Variants in TAF15 observed in about 807,000 individuals in gnomAD.
TAF15 encodes the protein TATA-binding protein-associated factor 2N.
TAF15 carries 37 observed loss-of-function variants against 102.5 expected under a neutral mutation model. The ratio of observed to expected loss-of-function variants is 0.36; its 90% confidence interval spans 0.28 to 0.47. The LOEUF (loss-of-function observed/expected upper bound fraction) is 0.47. Among genes scored for constraint, TAF15 ranks in the 20% least tolerant of loss-of-function variants. The pLI is 0.99. For synonymous variants in TAF15, 273 were observed against 259.2 expected, an observed-to-expected ratio of 1.05 and a Z score of -0.51; for missense variants, 652 against 760.7, an observed-to-expected ratio of 0.86 and a Z score of 1.68.
At position 35,839,370 on chromosome 17, in the gene TAF15, C is replaced by CTTTT. The variant is rs562461506; in HGVS notation, c.913+843_913+846dup. ...TTAATACATACTTAGAAGAAATAGA[C>CTTTT]TTTTTTTTTTTTTTTTTTTTTTTTT... On this transcript the variant is annotated intron_variant, in intron 11 of 15. Transcript: ENST00000605844. 2.7e-3 allele frequency among the ~76,000 whole-genome samples: 139 copies of CTTTT among 52,418 alleles called. 41 individuals are homozygous for CTTTT. Among genetic ancestry groups the CTTTT allele is most frequent in the African/African-American group, 9.6e-3 (107 of 11,162 alleles). The allele number at this position is 52,418 out of a possible 152,430, so 34.4% of individuals were successfully genotyped here. A position where few individuals can be genotyped will look rare whatever the true frequency, so the allele number is the denominator to read the frequency against.
chr17:35,826,317 C>T (rs2087325041), intron 7 of TAF15, among the ~76,000 whole-genome samples: 1 of 151,906 alleles, frequency 6.6e-6, no homozygotes, highest in African/African-American at 2.4e-5. Flanking sequence ...TTGAGATGTT[C>T]ATGAAAGGCC....
intron 1 of TAF15, among the ~76,000 whole-genome samples, chr17:35,812,082 C>T (rs1281618160): frequency 6.6e-6 from 1 of 152,046 alleles, no homozygotes; most frequent in Non-Finnish European, 1.5e-5. Flanking sequence ...GGACCATTAA[C>T]GCCAGGTAAT....
intron 10 of TAF15, 56 bp downstream of exon 10, chr17:35,836,297 CAT>C: frequency 7.9e-7 from 1 of 1,267,196 alleles, no homozygotes; most frequent in Non-Finnish European, 1.1e-6. Context: ...GATTACAATA[CAT>C]AGACTATGTA....
At chr17:35,817,192 A>G (rs1436837362) in intron 1 of TAF15, 2 of 152,608 alleles carry the variant, frequency 1.3e-5, no homozygotes, top group Non-Finnish European at 2.9e-5. Flanking sequence ...AAAGCTTGGT[A>G]AAATCAGAAT....
At position 35,809,505 on chromosome 17, in the gene TAF15, C is replaced by G; in HGVS notation, c.-65C>G. 6 of 1,609,610 alleles carry G rather than the reference C, an allele frequency of 3.7e-6. No homozygotes were observed. Among genetic ancestry groups the G allele is most frequent in the Non-Finnish European group, 5.1e-6 (6 of 1,178,974 alleles). The stretch of plus-strand genomic sequence containing the variant: ...CCTCAGTACAGCTCCGGCCGCCGCG[C>G]CGCCTGGCTTTCGTATTCGTTGTTC... On this transcript the variant is annotated 5_prime_UTR_variant, in exon 1 of 16. Transcript: ENST00000605844.
At chr17:35,839,370 CTTTTTTT>C (rs562461506) in intron 11 of TAF15, among the ~76,000 whole-genome samples, 18 of 52,412 alleles carry the variant, frequency 3.4e-4, no homozygotes, top group African/African-American at 1.5e-3. Context: ...AAGAAATAGA[CTTTTTTT>C]TTTTTTTTTT....
chr17:35,821,238 C>G (rs1295665303), intron 5 of TAF15, among the ~76,000 whole-genome samples: 1 of 151,894 alleles, frequency 6.6e-6, no homozygotes, highest in African/African-American at 2.4e-5. Context: ...AAATTATCAC[C>G]CTTACAGATG....
chr17:35,829,825 A>G (rs1317901339), intron 7 of TAF15, among the ~76,000 whole-genome samples: 1 of 151,392 alleles, frequency 6.6e-6, no homozygotes, highest in African/African-American at 2.4e-5. Flanking sequence ...AACTTGGGGG[A>G]ACTGTCTGTG....
intron 1 of TAF15, among the ~76,000 whole-genome samples, chr17:35,811,804 TACAC>T (rs1473141990): frequency 2.6e-5 from 4 of 152,248 alleles, no homozygotes; most frequent in Non-Finnish European, 5.9e-5. Context: ...TCAAATCAGT[TACAC>T]ACATAAAAAT....
At chr17:35,820,126 A>T (rs760602495) in intron 3 of TAF15, 38 bp from the exon 4 acceptor site, 2 of 1,613,468 alleles carry the variant, frequency 1.2e-6, no homozygotes, top group African/African-American at 2.7e-5. Flanking sequence ...TTTTATCTTA[A>T]GTAGGTGATG....
At chr17:35,838,284 A>T (rs2087500293) in intron 10 of TAF15, 140 bp from the exon 11 acceptor site, 1 of 1,071,092 alleles carries the variant, frequency 9.3e-7, no homozygotes, top group Non-Finnish European at 1.3e-6. Flanking sequence ...CTAAACCTAC[A>T]GGTAACTTAT....
intron 10 of TAF15, among the ~76,000 whole-genome samples, chr17:35,837,101 A>G (rs1054495338): frequency 6.6e-6 from 1 of 151,846 alleles, no homozygotes; most frequent in South Asian, 2.1e-4. Context: ...TTTCTTTGGG[A>G]GTTATAATTT....
chr17:35,818,170 G>A (rs953785203), intron 2 of TAF15, among the ~76,000 whole-genome samples: 4 of 151,778 alleles, frequency 2.6e-5, no homozygotes, highest in Non-Finnish European at 4.4e-5. Context: ...ATCTCGGGTC[G>A]CTGCAAGCTC....
rs773078789 is a variant in TAF15, at chr17:35,844,746, C to CGAG, written c.1449_1451dup (p.Gly485dup). The stretch of plus-strand genomic sequence containing the variant: ...CCGAGGAGGTGGCTATGGAGGAGAT[C>CGAG]GAGGTGGCTATGGAGGAGACCGAGG... On this transcript the variant is annotated inframe_insertion, in exon 15 of 16. Coordinates refer to ENST00000605844, the MANE Select transcript of TAF15 (RefSeq NM_139215.3). 2.5e-6 allele frequency: 4 copies of CGAG among 1,605,122 alleles called. No individual in the cohort carries two copies. The highest frequency in any genetic ancestry group is 1.1e-5 in the South Asian group (1 of 90,546).
intron 15 of TAF15, among the ~76,000 whole-genome samples, chr17:35,845,636 A>C (rs946867845): frequency 6.6e-6 from 1 of 152,130 alleles, no homozygotes; most frequent in Non-Finnish European, 1.5e-5. Flanking sequence ...CAGCCTCCCA[A>C]GTAGCTGGGA....
Position 35,844,902 on chromosome 17 carries a change from C to T in TAF15, c.1603C>T (p.Arg535Cys), listed in dbSNP as rs899244241. ...AAGCCGGGGGGGCTATGGAGGAGAC[C>T]GTGGTGGTGGCAGTGGCTACGGTGG... The part of the protein sequence containing the change: ...DRSRGGYGGD[R>C]GGGSGYGGDR... The change falls in exon 15 of 16, where the codon CGT becomes TGT. Residue 535 changes from arginine (R) to cysteine (C), a missense_variant. By Grantham distance (180) the Arg-to-Cys change is radical (BLOSUM62 -3). This residue lies in a region of TAF15 where 368 missense variants were observed against 367.5 expected (regional missense o/e 1.00). Coordinates refer to ENST00000605844, the MANE Select transcript of TAF15 (RefSeq NM_139215.3). 5.0e-6 allele frequency: 8 copies of T among 1,601,754 alleles called. No individual in the cohort carries two copies. Among genetic ancestry groups the T allele is most frequent in the East Asian group, 4.5e-5 (2 of 44,194 alleles).
At chr17:35,823,514 A>G (rs1177468588) in intron 6 of TAF15, 1 of 166,950 alleles carries the variant, frequency 6.0e-6, no homozygotes, top group African/African-American at 2.4e-5. Flanking sequence ...CCTGGCTAAC[A>G]TGGTGAAACC....
chr17:35,826,742 T>C (rs1041882788), intron 7 of TAF15, among the ~76,000 whole-genome samples: 2 of 150,076 alleles, frequency 1.3e-5, no homozygotes, highest in African/African-American at 4.9e-5. Flanking sequence ...TTTTTTTTTT[T>C]TTTTAAGTAG....
chr17:35,818,070 G>A (rs2087215476), intron 2 of TAF15, among the ~76,000 whole-genome samples: 1 of 151,848 alleles, frequency 6.6e-6, no homozygotes, highest in Non-Finnish European at 1.5e-5. Context: ...CTCCACTACA[G>A]ACATGTGCCA....
Sources: gnomAD v4.1 joint callset for allele counts (sites outside exome capture counted in the v4.1 genomes callset) on GRCh38, gnomAD v4.1.1 for gene constraint, gnomAD v4.1.1 regional missense constraint, MANE v1.5 for transcripts, NCBI Gene and HGNC (gene_info 2026-07-23, HGNC 2026-07-21) for gene names.